Variants in PFDN6 observed in about 807,000 individuals in gnomAD.
PFDN6 encodes the protein HLA class II region expressed gene KE2.
PFDN6 carries 5 observed loss-of-function variants against 19.3 expected under a neutral mutation model. That is an observed-to-expected ratio of 0.26 (90% CI 0.14 to 0.55). PFDN6 has a LOEUF of 0.55. Ranked by LOEUF, PFDN6 falls within the 20% of genes least tolerant of loss-of-function variation. PFDN6 has a pLI of 0.94. For missense variants in PFDN6, 101 were observed against 149.4 expected (o/e 0.68, Z 1.69); for synonymous variants, 51 against 63.4 (o/e 0.80, Z 0.93).
upstream of PFDN6, chr6:33,289,543 T>A (rs1013855763): frequency 3.1e-6 from 3 of 963,440 alleles, no homozygotes; most frequent in Non-Finnish European, 2.7e-6. Context: ...CCATCAAGGG[T>A]CAGAAAGAAA....
Position 33,289,621 on chromosome 6 carries a change from G to GT in PFDN6, c.-235dup, listed in dbSNP as rs773995035. On this transcript the variant is annotated 5_prime_UTR_variant, in exon 1 of 4. Coordinates refer to ENST00000374606, the MANE Select transcript of PFDN6 (RefSeq NM_001185181.3). Reference sequence around the variant, plus strand: ...GGTTTATTACTACTGAAGGAAGAACGTGAGTAGGTTAGGATTTCGGTTGAG... The same window carrying GT: ...GGTTTATTACTACTGAAGGAAGAACGTTGAGTAGGTTAGGATTTCGGTTGAG... 9.5e-4 allele frequency: 555 copies of GT among 582,206 alleles called. 3 individuals are homozygous for GT. Among genetic ancestry groups the GT allele is most frequent in the Middle Eastern group, 4.9e-3 (10 of 2,036 alleles). The allele number at this position is 582,206 out of a possible 1,614,324, so 36.1% of individuals were successfully genotyped here. A position where few individuals can be genotyped will look rare whatever the true frequency, so the allele number is the denominator to read the frequency against.
At position 33,289,787 on chromosome 6, in the gene PFDN6, A is replaced by G; in HGVS notation, c.-70A>G. 1.6e-6 allele frequency: 2 copies of G among 1,262,010 alleles called. No individual in the cohort carries two copies. The highest frequency in any genetic ancestry group is 2.2e-6 in the Non-Finnish European group (2 of 905,966). 78.2% of individuals were successfully genotyped at this position (1,262,010 alleles called of 1,614,324 possible). A position where few individuals can be genotyped will look rare whatever the true frequency, so the allele number is the denominator to read the frequency against. On this transcript the variant is annotated 5_prime_UTR_variant, in exon 1 of 4. Coordinates refer to ENST00000374606, the MANE Select transcript of PFDN6 (RefSeq NM_001185181.3). ...TTCCGCAGGCCAGATCAGAAAAGGG[A>G]GCTCAGGTACCTTCCAGAGAGTGAG...
rs758616443 is a variant in PFDN6, at chr6:33,290,737, T to C, written c.282T>C (p.Leu94=). ...TTAGTAAGCGATACGAATCCCAGCT[T>C]CGGGATCTTGAGCGGCAGTCAGAGC... ...TAEIKRYESQ[L]RDLERQSEQQ... Residue 94 remains leucine (L), a synonymous_variant, in exon 4 of 4, where the codon CTT becomes CTC. Transcript: ENST00000374606. 6.2e-6 allele frequency: 10 copies of C among 1,612,934 alleles called. 1 individual carries two copies. The highest frequency in any genetic ancestry group is 4.4e-5 in the South Asian group (4 of 91,084).
rs1376283386 is a variant in PFDN6 at position 33,289,919 on chromosome 6, G to A, written c.63G>A (p.Lys21=). 2 of 1,607,446 alleles carry A rather than the reference G, an allele frequency of 1.2e-6. No individual in the cohort carries two copies. Among genetic ancestry groups the A allele is most frequent in the Non-Finnish European group, 1.7e-6 (2 of 1,176,808 alleles). Residue 21 remains lysine (K), a splice_region_variant and synonymous_variant, in exon 1 of 4, where the codon AAG becomes AAA. Transcript: ENST00000374606. ...GEVEKYQQLQ[K]DLSKSMSGRQ... is the part of the protein sequence containing the mutation. ...TGGAGAAATATCAACAGCTACAGAAGGGTAAGGGAACAGGGTCGGTATGGT... is the reference window on the plus strand; with the variant it reads ...TGGAGAAATATCAACAGCTACAGAAAGGTAAGGGAACAGGGTCGGTATGGT...
At position 33,289,836 on chromosome 6, in the gene PFDN6, C is replaced by T. The variant is rs767994056; in HGVS notation, c.-21C>T. On this transcript the variant is annotated 5_prime_UTR_variant, in exon 1 of 4. Coordinates refer to ENST00000374606, the MANE Select transcript of PFDN6 (RefSeq NM_001185181.3). The stretch of plus-strand genomic sequence containing the variant: ...AGACCCAGCGCCCTTGTCTCGCACC[C>T]AGTAGGCTTTCATCCCCGCCATGGC... The T allele has an allele frequency of 5.1e-6, 8 of 1,578,548 alleles. No homozygotes were observed. Among genetic ancestry groups the T allele is most frequent in the Middle Eastern group, 1.7e-4 (1 of 5,922 alleles).
chr6:33,289,256 C>G, upstream of PFDN6: 1 of 1,538,594 alleles, frequency 6.5e-7, no homozygotes, highest in Non-Finnish European at 8.7e-7. Context: ...GCCCTCTGTC[C>G]TTCATCCAAT....
Position 33,290,876 on chromosome 6 carries a change from AG to A in PFDN6, c.*34del. On this transcript the variant is annotated 3_prime_UTR_variant, in exon 4 of 4. Coordinates refer to ENST00000374606, the MANE Select transcript of PFDN6 (RefSeq NM_001185181.3). ...TGGTGGGGGGAGGGGAGGGGAGGGG[AG>A]GGAATGAGGCAGCTCTAGGATCTAT... 6.5e-7 allele frequency: 1 copy of A among 1,548,310 alleles called. No homozygotes were observed. The highest frequency in any genetic ancestry group is 8.7e-7 in the Non-Finnish European group (1 of 1,142,950).
At chr6:33,290,597 C>G in intron 3 of PFDN6, 119 bp from the exon 4 acceptor site, 2 of 1,475,454 alleles carry the variant, frequency 1.4e-6, no homozygotes, top group East Asian at 4.6e-5. Context: ...TTTAACCCCC[C>G]TTCTTCTCCC....
chr6:33,290,890 C>T lies in PFDN6; in HGVS notation c.*45C>T. The T allele has an allele frequency of 6.5e-7, 1 of 1,530,834 alleles. No homozygotes were observed. The highest frequency in any genetic ancestry group is 8.8e-7 in the Non-Finnish European group (1 of 1,135,460). The allele number at this position is 1,530,834 out of a possible 1,614,324, so 94.8% of individuals were successfully genotyped here. A position where few individuals can be genotyped will look rare whatever the true frequency, so the allele number is the denominator to read the frequency against. The stretch of plus-strand genomic sequence containing the variant: ...GAGGGGAGGGGAGGGAATGAGGCAG[C>T]TCTAGGATCTATACTGTAGCTAATA... On this transcript the variant is annotated 3_prime_UTR_variant, in exon 4 of 4. Coordinates refer to ENST00000374606, the MANE Select transcript of PFDN6 (RefSeq NM_001185181.3).
chr6:33,290,530 G>C (rs1767256103), intron 3 of PFDN6, 80 bp downstream of exon 3: 2 of 1,508,730 alleles, frequency 1.3e-6, no homozygotes, highest in Non-Finnish European at 1.8e-6. Context: ...AACCATTGCA[G>C]AACAGCTCTC....
intron 2 of PFDN6, 27 bp from the exon 3 acceptor site, chr6:33,290,299 A>T: frequency 6.2e-7 from 1 of 1,613,584 alleles, no homozygotes; most frequent in Non-Finnish European, 8.5e-7. Context: ...CATGGTTCTG[A>T]TCACATATGT....
At position 33,290,385 on chromosome 6, in the gene PFDN6, C is replaced by G; in HGVS notation, c.195C>G (p.Val65=). 6.2e-7 allele frequency: 1 copy of G among 1,607,354 alleles called. No individual in the cohort carries two copies. Residue 65 remains valine (V), a synonymous_variant, in exon 3 of 4, where the codon GTC becomes GTG. Coordinates refer to ENST00000374606, the MANE Select transcript of PFDN6 (RefSeq NM_001185181.3). ...VVFKLLGPVL[V]KQELGEARAT... ...TTAAACTTCTGGGTCCGGTGCTAGTCAAACAGGAGCTGGGGGAGGCTCGGG... is the reference window on the plus strand; with the variant it reads ...TTAAACTTCTGGGTCCGGTGCTAGTGAAACAGGAGCTGGGGGAGGCTCGGG...
upstream of PFDN6, chr6:33,289,465 C>T (rs1767080362): frequency 2.3e-6 from 3 of 1,289,642 alleles, no homozygotes; most frequent in Non-Finnish European, 2.9e-6. Flanking sequence ...CCCCATCTTG[C>T]CTAAAAATGT....
Position 33,290,846 on chromosome 6 carries a change from C to G in PFDN6, c.*1C>G. 1 of 1,597,868 alleles carries G rather than the reference C, an allele frequency of 6.3e-7. No homozygotes were observed. The highest frequency in any genetic ancestry group is 1.7e-4 in the Middle Eastern group (1 of 5,994). On this transcript the variant is annotated 3_prime_UTR_variant, in exon 4 of 4. Transcript: ENST00000374606. ...GGCAGGGGCTCCTGGCAAGGCCTGACCCCATGGTGGGGGGAGGGGAGGGGA... is the reference window on the plus strand; with the variant it reads ...GGCAGGGGCTCCTGGCAAGGCCTGAGCCCATGGTGGGGGGAGGGGAGGGGA...
intron 2 of PFDN6, 26 bp downstream of exon 2, chr6:33,290,270 A>G: frequency 6.2e-7 from 1 of 1,614,104 alleles, no homozygotes; most frequent in African/African-American, 1.3e-5. Flanking sequence ...TTGTGGGGCG[A>G]GGAGGGACCT....
At position 33,289,853 on chromosome 6, in the gene PFDN6, C is replaced by T. The variant is rs778639452; in HGVS notation, c.-4C>T. 1.9e-6 allele frequency: 3 copies of T among 1,595,708 alleles called. No individual in the cohort carries two copies. Among genetic ancestry groups the T allele is most frequent in the South Asian group, 1.1e-5 (1 of 88,378 alleles). ...CTCGCACCCAGTAGGCTTTCATCCC[C>T]GCCATGGCGGAGCTGATCCAGAAGA... On this transcript the variant is annotated 5_prime_UTR_variant, in exon 1 of 4. Transcript: ENST00000374606.
chr6:33,289,519 C>A (rs779860566), upstream of PFDN6: 181 of 1,070,896 alleles, frequency 1.7e-4, no homozygotes, highest in Non-Finnish European at 2.1e-4. Flanking sequence ...CTAAACATGT[C>A]AGAACTACAC....
rs1767294599 is a variant in PFDN6 at position 33,290,812 on chromosome 6, G to A, written c.357G>A (p.Gln119=). Residue 119 remains glutamine (Q), a synonymous_variant, in exon 4 of 4, where the codon CAG becomes CAA. Transcript: ENST00000374606. The stretch of plus-strand genomic sequence containing the variant: ...TGCAGCAGGAGTTCCAGCGGGCCCA[G>A]GCAGCAAAGGCAGGGGCTCCTGGCA... The part of the protein sequence containing the change: ...AQLQQEFQRA[Q]AAKAGAPGKA 3.1e-6 allele frequency: 5 copies of A among 1,603,424 alleles called. No homozygotes were observed. Among genetic ancestry groups the A allele is most frequent in the East Asian group, 2.2e-5 (1 of 44,882 alleles).
chr6:33,289,574 C>T, upstream of PFDN6: 1 of 735,746 alleles, frequency 1.4e-6, no homozygotes, highest in Non-Finnish European at 1.9e-6. Context: ...AGTCTTTTCC[C>T]AGCATTCCTT....
Sources: gnomAD v4.1 joint callset for allele counts on GRCh38, gnomAD v4.1.1 for gene constraint, MANE v1.5 for transcripts, NCBI Gene and HGNC (gene_info 2026-07-23, HGNC 2026-07-21) for gene names.